The following RBM14 variants were observed in gnomAD, a reference collection of about 807,000 sequenced individuals.
RBM14 encodes the protein RNA-binding protein 14.
In RBM14, 5 loss-of-function variants were observed where a neutral mutation model predicts 52.8. That is an observed-to-expected ratio of 0.09 (90% CI 0.05 to 0.20). The LOEUF is 0.20. RBM14 is among the 10% of genes least tolerant of loss of function. RBM14 has a pLI of 1.00. For synonymous variants in RBM14, 411 were observed against 401.8 expected, an observed-to-expected ratio of 1.02 and a Z score of -0.28; for missense variants, 780 against 926.6, an observed-to-expected ratio of 0.84 and a Z score of 2.05.
At position 66,616,999 on chromosome 11, in the gene RBM14, G is replaced by C. The variant is rs1239613080; in HGVS notation, c.279G>C (p.Gln93His). ...VGNVSAACTS[Q>H]ELRSLFERRG... ...ATGTGTCGGCTGCATGCACGAGCCA[G>C]GAACTGCGCAGCCTCTTCGAGCGCC... Residue 93 changes from glutamine (Q) to histidine (H), a missense_variant, in exon 1 of 3, where the codon CAG (glutamine) becomes CAC (histidine). Around this residue, in one of 4 missense-constraint regions of RBM14, gnomAD observed 1 missense variants for 22.7 expected, o/e 0.04. Coordinates refer to ENST00000310137, the MANE Select transcript of RBM14 (RefSeq NM_006328.4). 1 of 1,611,170 alleles carries C rather than the reference G, an allele frequency of 6.2e-7. No individual in the cohort carries two copies. Among genetic ancestry groups the C allele is most frequent in the African/African-American group, 1.3e-5 (1 of 74,840 alleles).
intron 1 of RBM14, among the ~76,000 whole-genome samples, chr11:66,617,880 G>C (rs1047686892): frequency 6.6e-6 from 1 of 152,172 alleles, no homozygotes; most frequent in African/African-American, 2.4e-5. Flanking sequence ...TATAAGCTTG[G>C]TGACTTTGCA....
chr11:66,618,565 C>T (rs762660184), intron 1 of RBM14: 29 of 717,210 alleles, frequency 4.0e-5, no homozygotes, highest in Non-Finnish European at 7.5e-5. Flanking sequence ...CTGTATGGTG[C>T]ATGGATTTTT....
intron 1 of RBM14, among the ~76,000 whole-genome samples, chr11:66,621,807 C>T (rs1859125163): frequency 6.6e-6 from 1 of 152,128 alleles, no homozygotes; most frequent in South Asian, 2.1e-4. Flanking sequence ...ATCATAATTC[C>T]TTATTCTGTA....
rs1286302872 is a variant in RBM14 at position 66,628,228 on chromosome 11, A to G, written c.*1560A>G. Among the ~76,000 whole-genome samples the G allele has an allele frequency of 6.6e-6, 1 of 152,068 alleles. No homozygotes were observed. Among genetic ancestry groups the G allele is most frequent in the Non-Finnish European group, 1.5e-5 (1 of 68,012 alleles). On this transcript the variant is annotated 3_prime_UTR_variant, in exon 3 of 3. Coordinates refer to ENST00000310137, the MANE Select transcript of RBM14 (RefSeq NM_006328.4). ...ACAAAATGGAGGCTTGGGCTTAGTG[A>G]TGGGTAAATGGAAGACTGGTTGAGT...
At chr11:66,617,284 A>T in intron 1 of RBM14, 1 of 1,336,440 alleles carries the variant, frequency 7.5e-7, no homozygotes, top group Non-Finnish European at 9.6e-7. Flanking sequence ...TGCGGCGGCC[A>T]CTGCGAGCCA....
chr11:66,616,644 C>G lies in RBM14; in HGVS notation c.-77C>G, dbSNP rs1858846085. On this transcript the variant is annotated 5_prime_UTR_variant, in exon 1 of 3. Coordinates refer to ENST00000310137, the MANE Select transcript of RBM14 (RefSeq NM_006328.4). ...GGTCGCCAGCCATTCCTGAGGAGGA[C>G]TGCCGGTCGTTCGGACGTCTTGCCT... 2.7e-6 allele frequency: 4 copies of G among 1,482,306 alleles called. No homozygotes were observed. The African/African-American group carries it at 4.2e-5, about 16-fold the overall frequency. 91.8% of individuals were successfully genotyped at this position (1,482,306 alleles called of 1,614,324 possible).
Position 66,625,398 on chromosome 11 carries a change from C to T in RBM14, c.1522C>T (p.Pro508Ser). Residue 508 changes from proline to serine, a missense_variant, in exon 2 of 3, where the codon CCT (proline) becomes TCT (serine). By Grantham distance (74) the Pro-to-Ser change is moderately conservative (BLOSUM62 -1). This residue lies in a region of RBM14 where 675 missense variants were observed against 697.3 expected (regional missense o/e 0.97). Transcript: ENST00000310137. This position sits in a 1 kb window ranked among gnomAD's most constrained non-coding sequence, Gnocchi z 4.2. Reference protein sequence around the residue: ...YGAAAAYGAQPSATLAAPYRT... With the variant: ...YGAAAAYGAQSSATLAAPYRT... The stretch of plus-strand genomic sequence containing the variant: ...TGCCGCAGCAGCCTACGGGGCCCAA[C>T]CTTCTGCCACCCTGGCAGCTCCTTA... 6.2e-7 allele frequency: 1 copy of T among 1,613,576 alleles called. No homozygotes were observed. The highest frequency in any genetic ancestry group is 1.1e-5 in the South Asian group (1 of 91,054).
Position 66,624,672 on chromosome 11 carries a change from A to G in RBM14, c.796A>G (p.Met266Val), listed in dbSNP as rs749693420. The change falls in exon 2 of 3, where the codon ATG becomes GTG. Residue 266 changes from methionine to valine, a missense_variant. Met to Val is a conservative substitution (Grantham distance 21). Coordinates refer to ENST00000310137, the MANE Select transcript of RBM14 (RefSeq NM_006328.4). This position sits in a 1 kb window ranked among gnomAD's most constrained non-coding sequence, Gnocchi z 4.7. ...GGGTGTTGGCTATCGGACTCAGCCC[A>G]TGACAGCCCAGGCAGCCTCTTACCG... ...SLGVGYRTQP[M>V]TAQAASYRAQ... 6.2e-7 allele frequency: 1 copy of G among 1,613,540 alleles called. No homozygotes were observed. The highest frequency in any genetic ancestry group is 1.1e-5 in the South Asian group (1 of 91,082).
chr11:66,620,573 A>T (rs889211021), intron 1 of RBM14, among the ~76,000 whole-genome samples: 1 of 152,158 alleles, frequency 6.6e-6, no homozygotes, highest in Non-Finnish European at 1.5e-5. Flanking sequence ...AAGTGTTGGG[A>T]TTACAGGTGT....
chr11:66,617,091 GCTCGGGGCA>G (rs1247856952), intron 1 of RBM14, 34 bp downstream of exon 1: 24 of 1,549,112 alleles, frequency 1.5e-5, no homozygotes, highest in Non-Finnish European at 1.9e-5. Flanking sequence ...GCGGGGGCGC[GCTCGGGGCA>G]CTCTGCCTGT....
At position 66,626,845 on chromosome 11, in the gene RBM14, T is replaced by G; in HGVS notation, c.*177T>G. ...GTTAAGTGTTCGGCAGTAACCTACT[T>G]TGTTCCTTCGCCTCAGCAGCAAATC... On this transcript the variant is annotated 3_prime_UTR_variant, in exon 3 of 3. Coordinates refer to ENST00000310137, the MANE Select transcript of RBM14 (RefSeq NM_006328.4). 1 of 643,600 alleles carries G rather than the reference T, an allele frequency of 1.6e-6. No individual in the cohort carries two copies. Among genetic ancestry groups the G allele is most frequent in the Non-Finnish European group, 2.6e-6 (1 of 387,926 alleles). The allele number at this position is 643,600 out of a possible 1,614,324, so 39.9% of individuals were successfully genotyped here.
At position 66,625,778 on chromosome 11, in the gene RBM14, T is replaced by G; in HGVS notation, c.1802+100T>G. On this transcript the variant is annotated intron_variant, in intron 2 of 2. Transcript: ENST00000310137. The surrounding 1 kb of genome is among the most constrained non-coding windows in gnomAD (Gnocchi z 4.2). ...CTGGAGGCATCGGCCCCTCCCTCGG[T>G]CTTCTCTTCTCTATTTTTGTGGGAT... The G allele has an allele frequency of 1.3e-6, 1 of 788,546 alleles. No homozygotes were observed. Among genetic ancestry groups the G allele is most frequent in the Non-Finnish European group, 1.9e-6 (1 of 514,766 alleles). The allele number at this position is 788,546 out of a possible 1,614,324, so 48.8% of individuals were successfully genotyped here.
In RBM14 at chr11:66,624,970, A is replaced by G. The variant is rs1261466883; in HGVS notation, c.1094A>G (p.Tyr365Cys). Reference protein sequence around the residue: ...SYGVRAAASSYNTQGAASSLG... With the variant: ...SYGVRAAASSCNTQGAASSLG... ...GGGGTTCGTGCAGCTGCTTCTTCCT[A>G]CAACACCCAGGGAGCAGCTTCCTCC... The change falls in exon 2 of 3, where the codon TAC becomes TGC. Residue 365 changes from tyrosine to cysteine, a missense_variant. Tyr to Cys is a radical substitution (Grantham distance 194). Transcript: ENST00000310137. The surrounding 1 kb of genome is among the most constrained non-coding windows in gnomAD (Gnocchi z 4.7). 20 of 1,613,446 alleles carry G rather than the reference A, an allele frequency of 1.2e-5. No individual in the cohort carries two copies. Among genetic ancestry groups the G allele is most frequent in the Non-Finnish European group, 1.7e-5 (20 of 1,179,838 alleles).
intron 1 of RBM14, among the ~76,000 whole-genome samples, chr11:66,623,047 G>A (rs1453289260): frequency 6.6e-6 from 1 of 152,178 alleles, no homozygotes; most frequent in Non-Finnish European, 1.5e-5. Flanking sequence ...GATAAGTATA[G>A]CTTTGAGACC....
chr11:66,625,537 C>A lies in RBM14; in HGVS notation c.1661C>A (p.Pro554Gln). 6.2e-7 allele frequency: 1 copy of A among 1,612,462 alleles called. No homozygotes were observed. The highest frequency in any genetic ancestry group is 8.5e-7 in the Non-Finnish European group (1 of 1,179,492). ...AATGCCTACGATGGGGCAGGTCAGC[C>A]GTCTGCAGCCTACCTGTCCATGTCC... ...PGNAYDGAGQ[P>Q]SAAYLSMSQG... Residue 554 changes from proline (P) to glutamine (Q), a missense_variant, in exon 2 of 3, where the codon CCG (proline) becomes CAG (glutamine). By Grantham distance (76) the Pro-to-Gln change is moderately conservative. Coordinates refer to ENST00000310137, the MANE Select transcript of RBM14 (RefSeq NM_006328.4). The surrounding 1 kb of genome is among the most constrained non-coding windows in gnomAD (Gnocchi z 4.2).
In RBM14 at chr11:66,625,109, T is replaced by C. The variant is rs756259366; in HGVS notation, c.1233T>C (p.Asn411=). The change falls in exon 2 of 3, where the codon AAT becomes AAC. Residue 411 remains asparagine, a synonymous_variant. Coordinates refer to ENST00000310137, the MANE Select transcript of RBM14 (RefSeq NM_006328.4). This position sits in a 1 kb window ranked among gnomAD's most constrained non-coding sequence, Gnocchi z 4.2. ...ATGCCCAGCCCTCGGCCTCTTACAA[T>C]GCCCAGTCTGCCCCATATGCTGCAC... ...SYNAQPSASY[N]AQSAPYAAQQ... is the part of the protein sequence containing the mutation. 1.2e-6 allele frequency: 2 copies of C among 1,613,332 alleles called. No homozygotes were observed. Among genetic ancestry groups the C allele is most frequent in the Non-Finnish European group, 1.7e-6 (2 of 1,179,952 alleles).
Position 66,624,648 on chromosome 11 carries a change from G to A in RBM14, c.772G>A (p.Gly258Ser). The A allele has an allele frequency of 8.7e-6, 14 of 1,613,262 alleles. No individual in the cohort carries two copies. The highest frequency in any genetic ancestry group is 1.2e-5 in the Non-Finnish European group (14 of 1,179,962). Residue 258 changes from glycine to serine, a missense_variant, in exon 2 of 3, where the codon GGT becomes AGT. Gly to Ser is a moderately conservative substitution (Grantham distance 56). Around this residue, in one of 4 missense-constraint regions of RBM14, gnomAD observed 675 missense variants for 697.3 expected, o/e 0.97. Transcript: ENST00000310137. The surrounding 1 kb of genome is among the most constrained non-coding windows in gnomAD (Gnocchi z 4.7). ...CAGGGCCCAGCCTTCTGCCTCTTTGGGTGTTGGCTATCGGACTCAGCCCAT... is the reference window on the plus strand; with the variant it reads ...CAGGGCCCAGCCTTCTGCCTCTTTGAGTGTTGGCTATCGGACTCAGCCCAT... Reference protein sequence around the residue: ...AYRAQPSASLGVGYRTQPMTA... With the variant: ...AYRAQPSASLSVGYRTQPMTA...
In RBM14 at chr11:66,624,598, C is replaced by G; in HGVS notation, c.722C>G (p.Pro241Arg). The G allele has an allele frequency of 6.2e-7, 1 of 1,612,306 alleles. No individual in the cohort carries two copies. Among genetic ancestry groups the G allele is most frequent in the Non-Finnish European group, 8.5e-7 (1 of 1,179,998 alleles). Reference sequence around the variant, plus strand: ...CAGCCAGCTACCTACCGGGCCCAGCCGTCCGTGTCACTGGGAGCTGCCTAC... The same window carrying G: ...CAGCCAGCTACCTACCGGGCCCAGCGGTCCGTGTCACTGGGAGCTGCCTAC... Reference protein sequence around the residue: ...TAQPATYRAQPSVSLGAAYRA... With the variant: ...TAQPATYRAQRSVSLGAAYRA... Residue 241 changes from proline (P) to arginine (R), a missense_variant, in exon 2 of 3, where the codon CCG becomes CGG. Pro to Arg is a moderately radical substitution (Grantham distance 103). Around this residue, in one of 4 missense-constraint regions of RBM14, gnomAD observed 675 missense variants for 697.3 expected, o/e 0.97. Coordinates refer to ENST00000310137, the MANE Select transcript of RBM14 (RefSeq NM_006328.4). The surrounding 1 kb of genome is among the most constrained non-coding windows in gnomAD (Gnocchi z 4.7).
chr11:66,619,026 GTGTAACAGAGCTCCTGACATACTTCGA>G (rs1450087278), intron 1 of RBM14: 1 of 159,436 alleles, frequency 6.3e-6, no homozygotes, highest in East Asian at 1.8e-4. Context: ...TTACATTGTT[GTGTAACAGAGCTCCTGACATACTTCGA>G]TGTAAGAGAC....
Sources: allele counts gnomAD v4.1 joint callset (sites outside exome capture counted in the v4.1 genomes callset), GRCh38; gene constraint gnomAD v4.1.1; regional missense constraint gnomAD v4.1.1; non-coding constraint Gnocchi (gnomAD v3.1); transcripts MANE v1.5; gene names NCBI Gene and HGNC (gene_info 2026-07-23, HGNC 2026-07-21).